THSD7A: variants seen among roughly 807,000 people sequenced by gnomAD.
The protein encoded by THSD7A is thrombospondin type-1 domain-containing protein 7A.
Under a neutral mutation model 231.3 loss-of-function variants are expected in THSD7A, and 96 were observed. The ratio of observed to expected loss-of-function variants is 0.41; its 90% CI spans 0.35 to 0.49. The LOEUF is 0.49. THSD7A is among the 20% of genes least tolerant of loss of function. The pLI is 0.05. For synonymous variants in THSD7A, 940 were observed against 743.3 expected (o/e 1.26, Z -4.30); for missense variants, 2,290 against 2,070.2 (o/e 1.11, Z -2.06).
In THSD7A at chr7:11,648,584, C is replaced by A. The variant is rs983491684; in HGVS notation, c.191-11623G>T. Among the ~76,000 whole-genome samples, 3 of 150,996 alleles carry A rather than the reference C, an allele frequency of 2.0e-5. No individual in the cohort carries two copies. In the Admixed American group the frequency reaches 2.0e-4, roughly 10 times the overall value. On this transcript the variant is annotated intron_variant, in intron 1 of 27. Coordinates refer to ENST00000423059, the MANE Select transcript of THSD7A (RefSeq NM_015204.3). The stretch of plus-strand genomic sequence containing the variant: ...ACAACTCCAGCCAAAAAGTTAGTGT[C>A]CAACATGCAATATCTACTAGGACCC...
At chr7:11,750,486 A>G (rs1782462726) in intron 1 of THSD7A, among the ~76,000 whole-genome samples, 1 of 152,010 alleles carries the variant, frequency 6.6e-6, no homozygotes, top group Non-Finnish European at 1.5e-5. Flanking sequence ...TAATTGTAAC[A>G]TTGGTCCTGA....
intron 1 of THSD7A, among the ~76,000 whole-genome samples, chr7:11,798,763 A>AC (rs758238226): frequency 1.3e-5 from 2 of 152,132 alleles, no homozygotes; most frequent in Non-Finnish European, 1.5e-5. Flanking sequence ...ATCAAAAATG[A>AC]CACCATGCAG....
chr7:11,576,916 A>C (rs563971738), intron 4 of THSD7A, among the ~76,000 whole-genome samples: 10 of 152,338 alleles, frequency 6.6e-5, no homozygotes, highest in African/African-American at 2.4e-4. Context: ...GACAGCTATT[A>C]TACCCAGGGC....
At chr7:11,604,552 T>C (rs1780673737) in intron 2 of THSD7A, among the ~76,000 whole-genome samples, 1 of 152,128 alleles carries the variant, frequency 6.6e-6, no homozygotes, top group Non-Finnish European at 1.5e-5. Context: ...TTTCTTTTTT[T>C]CCCAGATTTA....
At chr7:11,687,073 A>C (rs572025610) in intron 1 of THSD7A, among the ~76,000 whole-genome samples, 1 of 152,000 alleles carries the variant, frequency 6.6e-6, no homozygotes, top group African/African-American at 2.4e-5. Flanking sequence ...TTTTTACATT[A>C]ATTTTGATTT....
chr7:11,596,661 C>T (rs1323490614), intron 2 of THSD7A, among the ~76,000 whole-genome samples: 9 of 152,148 alleles, frequency 5.9e-5, no homozygotes, highest in South Asian at 2.1e-4. Flanking sequence ...ACCTGAAAGA[C>T]GCAGGGGTGG....
At chr7:11,822,165 C>G (rs1316357023) in intron 1 of THSD7A, among the ~76,000 whole-genome samples, 1 of 152,018 alleles carries the variant, frequency 6.6e-6, no homozygotes, top group Non-Finnish European at 1.5e-5. Context: ...CACATTGCAC[C>G]CATTAGGTAA....
At chr7:11,659,354 G>C (rs1230390114) in intron 1 of THSD7A, among the ~76,000 whole-genome samples, 1 of 151,482 alleles carries the variant, frequency 6.6e-6, no homozygotes, top group Non-Finnish European at 1.5e-5. Context: ...TTCTTGCTTA[G>C]AACTCTGATG....
chr7:11,651,747 T>G (rs1268341882), intron 1 of THSD7A, among the ~76,000 whole-genome samples: 1 of 151,998 alleles, frequency 6.6e-6, no homozygotes. Flanking sequence ...TAGCTTTTCT[T>G]TGTTTTATTA....
chr7:11,400,684 A>G (rs1783370300), intron 23 of THSD7A, among the ~76,000 whole-genome samples: 1 of 152,246 alleles, frequency 6.6e-6, no homozygotes, highest in East Asian at 1.9e-4. Flanking sequence ...TCAAATTGAC[A>G]GAGCAGGTAA....
chr7:11,824,984 T>G (rs552144120), intron 1 of THSD7A, among the ~76,000 whole-genome samples: 1 of 152,246 alleles, frequency 6.6e-6, no homozygotes, highest in East Asian at 1.9e-4. Context: ...TTTTATAGTC[T>G]TTGGTAAGTG....
At chr7:11,621,536 C>T (rs555939977) in intron 2 of THSD7A, among the ~76,000 whole-genome samples, 2 of 151,810 alleles carry the variant, frequency 1.3e-5, no homozygotes, top group Admixed American at 1.3e-4. Context: ...TCTGATTTAT[C>T]TTTTTTATTA....
At chr7:11,688,952 G>T (rs1371720990) in intron 1 of THSD7A, among the ~76,000 whole-genome samples, 3 of 151,746 alleles carry the variant, frequency 2.0e-5, no homozygotes, top group African/African-American at 7.3e-5. Context: ...CGTACAGATA[G>T]AATGCAAAGA....
At chr7:11,553,192 C>A (rs768276304) in intron 4 of THSD7A, among the ~76,000 whole-genome samples, 1 of 152,076 alleles carries the variant, frequency 6.6e-6, no homozygotes, top group Non-Finnish European at 1.5e-5. Context: ...ACATAATTGT[C>A]AAAGAATGAT....
chr7:11,578,799 G>A (rs934804508), intron 4 of THSD7A, among the ~76,000 whole-genome samples: 2 of 152,166 alleles, frequency 1.3e-5, no homozygotes, highest in African/African-American at 4.8e-5. Flanking sequence ...AACTGAAATA[G>A]CACTGGTTTT....
intron 1 of THSD7A, among the ~76,000 whole-genome samples, chr7:11,783,726 T>C (rs1583288031): frequency 1.3e-5 from 2 of 152,244 alleles, no homozygotes; most frequent in Middle Eastern, 6.8e-3. Flanking sequence ...ACTGACAATA[T>C]TTGTTACGTT....
chr7:11,634,324 C>A lies in THSD7A; in HGVS notation c.1022+1806G>T, dbSNP rs888065482. On this transcript the variant is annotated intron_variant, in intron 2 of 27. Coordinates refer to ENST00000423059, the MANE Select transcript of THSD7A (RefSeq NM_015204.3). The surrounding 1 kb of genome is among the most constrained non-coding windows in gnomAD (Gnocchi z 4.1). ...CAAACAACTGGATGAGAATATTAGG[C>A]TCTATGCAATGGTAGCTACTAACCT... is the stretch of plus-strand genomic sequence containing the variant. Among the ~76,000 whole-genome samples the A allele has an allele frequency of 6.6e-6, 1 of 152,062 alleles. No homozygotes were observed. Among genetic ancestry groups the A allele is most frequent in the African/African-American group, 2.4e-5 (1 of 41,398 alleles).
chr7:11,415,071 C>T (rs556484983), intron 17 of THSD7A, among the ~76,000 whole-genome samples: 1 of 152,184 alleles, frequency 6.6e-6, no homozygotes, highest in Admixed American at 6.5e-5. Flanking sequence ...GTGAACTATA[C>T]CCTCTTTGGA....
chr7:11,728,006 G>C (rs13307585), intron 1 of THSD7A, among the ~76,000 whole-genome samples: 3 of 151,740 alleles, frequency 2.0e-5, no homozygotes, highest in African/African-American at 7.2e-5. Flanking sequence ...AAGAAGTTCT[G>C]AAGTGTTGTA....
Sources: gnomAD v4.1 joint callset for allele counts (sites outside exome capture counted in the v4.1 genomes callset) on GRCh38, gnomAD v4.1.1 for gene constraint, Gnocchi (gnomAD v3.1) non-coding constraint, MANE v1.5 for transcripts, NCBI Gene and HGNC (gene_info 2026-07-23, HGNC 2026-07-21) for gene names.